Variants in TRAPPC9 observed in about 807,000 individuals in gnomAD.
TRAPPC9 encodes IKK2 binding protein.
Under a neutral mutation model 124.0 loss-of-function variants are expected in TRAPPC9, and 83 were observed. The observed-to-expected ratio is 0.67, with a 90% CI of 0.56 to 0.80. The LOEUF (loss-of-function observed/expected upper bound fraction) is 0.80, where lower values mean the gene tolerates loss of function less well. Ranked by LOEUF, TRAPPC9 falls within the 30% of genes least tolerant of loss-of-function variation. The probability of loss-of-function intolerance (pLI) is 0.00; values close to 1 mark genes in which losing one functional copy is unlikely to be tolerated. For missense variants in TRAPPC9, 1,302 were observed against 1,508.3 expected, an observed-to-expected ratio of 0.86 and a Z score of 2.27; for synonymous variants, 638 against 617.5, an observed-to-expected ratio of 1.03 and a Z score of -0.49.
In TRAPPC9 at chr8:139,774,545, C is replaced by T. The variant is rs553018979; in HGVS notation, c.3056-42343G>A. Among the ~76,000 whole-genome samples, 5 of 152,328 alleles carry T rather than the reference C, an allele frequency of 3.3e-5. No individual in the cohort carries two copies. The East Asian group carries it at 9.7e-4, about 29-fold the overall frequency. ...CCTGGAGAGACCCCCTTCCCGCTGA[C>T]CGCCAGCGACAGCAGCTGTGCCGCG... is the stretch of plus-strand genomic sequence containing the variant. On this transcript the variant is annotated intron_variant, in intron 21 of 22. Transcript: ENST00000438773.
At chr8:139,765,947 G>T (rs926140002) in intron 21 of TRAPPC9, among the ~76,000 whole-genome samples, 1 of 152,340 alleles carries the variant, frequency 6.6e-6, no homozygotes, top group Non-Finnish European at 1.5e-5. Context: ...ACCTCACGCT[G>T]CTGGGGCTGC....
At chr8:139,930,288 T>C (rs973188970) in intron 19 of TRAPPC9, among the ~76,000 whole-genome samples, 2 of 152,178 alleles carry the variant, frequency 1.3e-5, no homozygotes, top group Non-Finnish European at 2.9e-5. Context: ...GCAGTGGGGC[T>C]GCGCCAGCCG....
intron 14 of TRAPPC9, 140 bp downstream of exon 14, chr8:140,283,749 T>C: frequency 1.1e-6 from 1 of 878,476 alleles, no homozygotes; most frequent in Non-Finnish European, 1.9e-6. Flanking sequence ...CGTATTGATG[T>C]TGCTTATCTT....
rs570462049 is a variant in TRAPPC9 at position 140,149,970 on chromosome 8, A to C, written c.2556+71489T>G. Among the ~76,000 whole-genome samples the C allele has an allele frequency of 3.3e-5, 5 of 152,336 alleles. No individual in the cohort carries two copies. In the South Asian group the frequency reaches 6.2e-4, roughly 19 times the overall value. On this transcript the variant is annotated intron_variant, in intron 17 of 22. Transcript: ENST00000438773. The stretch of plus-strand genomic sequence containing the variant: ...AGACTTGGTAAGAGGAGGAACCAGG[A>C]GACCTACTCAGCCAGAACAGAGCTC...
intron 1 of TRAPPC9, among the ~76,000 whole-genome samples, chr8:140,452,987 T>C (rs1373008436): frequency 6.6e-6 from 1 of 152,208 alleles, no homozygotes; most frequent in Non-Finnish European, 1.5e-5. Flanking sequence ...TGTGGTTTTG[T>C]AACATGGCAC....
chr8:139,925,827 G>GCGCA (rs1554673867), intron 19 of TRAPPC9, among the ~76,000 whole-genome samples: 24 of 68,756 alleles, frequency 3.5e-4, no homozygotes, highest in African/African-American at 9.0e-4. Flanking sequence ...ACACGCACAC[G>GCGCA]CACACACACA....
At chr8:140,169,325 G>A (rs182451182) in intron 17 of TRAPPC9, among the ~76,000 whole-genome samples, 44 of 152,216 alleles carry the variant, frequency 2.9e-4, no homozygotes, top group Admixed American at 2.4e-3. Context: ...CAGAACCCTC[G>A]CGCATGACTG....
chr8:139,895,105 T>C (rs1271583257), intron 20 of TRAPPC9, among the ~76,000 whole-genome samples: 1 of 152,162 alleles, frequency 6.6e-6, no homozygotes, highest in Non-Finnish European at 1.5e-5. Flanking sequence ...CCGGAGCCAC[T>C]TTAACTCCAG....
Position 139,811,275 on chromosome 8 carries a change from C to A in TRAPPC9, c.3055+74604G>T, listed in dbSNP as rs577830544. Among the ~76,000 whole-genome samples the A allele has an allele frequency of 4.6e-5, 7 of 152,276 alleles. No individual in the cohort carries two copies. In the South Asian group the frequency reaches 1.2e-3, roughly 27 times the overall value. On this transcript the variant is annotated intron_variant, in intron 21 of 22. Transcript: ENST00000438773. The stretch of plus-strand genomic sequence containing the variant: ...GATATTTTCCAGGAAGCAGTATAAG[C>A]ATTCTAAGAGATAGGAAACAGCAAA...
At chr8:140,296,757 T>C (rs1434547090) in intron 11 of TRAPPC9, among the ~76,000 whole-genome samples, 3 of 152,224 alleles carry the variant, frequency 2.0e-5, no homozygotes, top group Admixed American at 6.5e-5. Context: ...ACATGGCCCA[T>C]CCTGAGAAGA....
At position 140,449,926 on chromosome 8, in the gene TRAPPC9, G is replaced by A. The variant is rs139006842; in HGVS notation, c.584+864C>T. On this transcript the variant is annotated intron_variant, in intron 2 of 22. Transcript: ENST00000438773. ...CCAACAGAAATAAAATGCAAGCCAC[G>A]TAAGTACATTTCAGTTTCTAGTTGC... Among the ~76,000 whole-genome samples the A allele has an allele frequency of 2.2e-3, 334 of 152,314 alleles. 1 individual carries two copies. Among genetic ancestry groups the A allele is most frequent in the African/African-American group, 7.6e-3 (314 of 41,568 alleles).
intron 15 of TRAPPC9, among the ~76,000 whole-genome samples, chr8:140,262,997 A>G (rs1198843195): frequency 6.6e-6 from 1 of 152,202 alleles, no homozygotes; most frequent in Non-Finnish European, 1.5e-5. Flanking sequence ...AGTGTGTTCA[A>G]AGACAGCTGC....
At position 139,907,611 on chromosome 8, in the gene TRAPPC9, C is replaced by T. The variant is rs1258289463; in HGVS notation, c.2964+2536G>A. Among the ~76,000 whole-genome samples the T allele has an allele frequency of 6.6e-6, 1 of 151,776 alleles. No individual in the cohort carries two copies. The highest frequency in any genetic ancestry group is 1.5e-5 in the Non-Finnish European group (1 of 67,964). On this transcript the variant is annotated intron_variant, in intron 20 of 22. Coordinates refer to ENST00000438773, the MANE Select transcript of TRAPPC9 (RefSeq NM_001160372.4). The surrounding 1 kb of genome is among the most constrained non-coding windows in gnomAD (Gnocchi z 4.7). The stretch of plus-strand genomic sequence containing the variant: ...AGGGATGATGTCCTTAATGTTAACT[C>T]TCTTTCACTAAATTTGCCTATAGGG...
In TRAPPC9 at chr8:140,311,295, G is replaced by T. The variant is rs761127802; in HGVS notation, c.1575C>A (p.Gly525=). 8.7e-6 allele frequency: 14 copies of T among 1,613,532 alleles called. No homozygotes were observed. The Middle Eastern group carries it at 4.9e-4, about 57-fold the overall frequency. Reference sequence around the variant, plus strand: ...AGGGCACCGGTGGCAGGGTGAGGCCGCCAGGGAGGGCGATGGGCTCCATGG... The same window carrying T: ...AGGGCACCGGTGGCAGGGTGAGGCCTCCAGGGAGGGCGATGGGCTCCATGG... ...PGTMEPIALP[G]GLTLPPVPFT... The change falls in exon 10 of 23, where the codon GGC becomes GGA. Residue 525 remains glycine (G), a synonymous_variant. Coordinates refer to ENST00000438773, the MANE Select transcript of TRAPPC9 (RefSeq NM_001160372.4).
At chr8:140,215,078 C>T (rs901272178) in intron 17 of TRAPPC9, among the ~76,000 whole-genome samples, 1 of 152,140 alleles carries the variant, frequency 6.6e-6, no homozygotes, top group Non-Finnish European at 1.5e-5. Flanking sequence ...GCACAGCTCC[C>T]GCTCCGGTCC....
chr8:139,744,492 C>T (rs973690175), intron 21 of TRAPPC9, among the ~76,000 whole-genome samples: 3 of 152,172 alleles, frequency 2.0e-5, no homozygotes, highest in Non-Finnish European at 4.4e-5. Context: ...GCTCCGTCTC[C>T]GTGTCCCAGA....
intron 20 of TRAPPC9, among the ~76,000 whole-genome samples, chr8:139,908,927 G>C (rs118024458): frequency 1.3e-5 from 2 of 152,160 alleles, no homozygotes; most frequent in South Asian, 4.1e-4. Flanking sequence ...TGTTCACTAC[G>C]TGAGTCCCCA....
At chr8:140,129,937 C>T (rs1261749114) in intron 17 of TRAPPC9, among the ~76,000 whole-genome samples, 1 of 152,214 alleles carries the variant, frequency 6.6e-6, no homozygotes, top group Non-Finnish European at 1.5e-5. Flanking sequence ...GCTACATGCA[C>T]ACTTCAGGCC....
intron 21 of TRAPPC9, among the ~76,000 whole-genome samples, chr8:139,739,979 G>A (rs946294619): frequency 6.6e-6 from 1 of 152,168 alleles, no homozygotes; most frequent in African/African-American, 2.4e-5. Flanking sequence ...CCCCACCACC[G>A]ACTGGCTGTG....
Sources: allele counts gnomAD v4.1 joint callset (sites outside exome capture counted in the v4.1 genomes callset), GRCh38; gene constraint gnomAD v4.1.1; non-coding constraint Gnocchi (gnomAD v3.1); transcripts MANE v1.5; gene names NCBI Gene and HGNC (gene_info 2026-07-23, HGNC 2026-07-21).